The following PTN variants were observed in gnomAD, a reference collection of about 807,000 sequenced individuals.
PTN encodes pleiotrophin, also known as heparin affin regulatory protein.
In PTN, 18 loss-of-function variants were observed where a neutral mutation model predicts 24.1. The ratio of observed to expected loss-of-function variants is 0.75; its 90% CI spans 0.52 to 1.11. The LOEUF (loss-of-function observed/expected upper bound fraction) is 1.11. Ranked by LOEUF, PTN falls within the 50% of genes least tolerant of loss-of-function variation. The pLI is 0.00. For missense variants in PTN, 163 were observed against 198.8 expected (o/e 0.82, Z 1.08); for synonymous variants, 78 against 68.6 (o/e 1.14, Z -0.67).
At chr7:137,322,117 T>C (rs544277828) in intron 1 of PTN, among the ~76,000 whole-genome samples, 1 of 152,274 alleles carries the variant, frequency 6.6e-6, no homozygotes, top group Admixed American at 6.5e-5. Context: ...ATTATCCTCT[T>C]TTATTTTCTT....
chr7:137,323,680 T>A (rs1810203088), intron 1 of PTN, among the ~76,000 whole-genome samples: 1 of 152,168 alleles, frequency 6.6e-6, no homozygotes, highest in Non-Finnish European at 1.5e-5. Flanking sequence ...GTTATAATTG[T>A]GTAGTTATAT....
chr7:137,256,167 C>G (rs1158568283), intron 1 of PTN, among the ~76,000 whole-genome samples: 3 of 152,068 alleles, frequency 2.0e-5, no homozygotes, highest in South Asian at 2.1e-4. Flanking sequence ...TATGCTGTCT[C>G]TTATTAGTGT....
intron 1 of PTN, among the ~76,000 whole-genome samples, chr7:137,338,043 G>A (rs1810476987): frequency 6.6e-6 from 1 of 152,110 alleles, no homozygotes; most frequent in African/African-American, 2.4e-5. Context: ...GGTGAGAAAG[G>A]AGGAGCTGAA....
chr7:137,287,960 A>G (rs913628918), intron 1 of PTN, among the ~76,000 whole-genome samples: 1 of 152,192 alleles, frequency 6.6e-6, no homozygotes, highest in Non-Finnish European at 1.5e-5. Flanking sequence ...AGAAAAATCT[A>G]TTGACTAAGC....
intron 1 of PTN, among the ~76,000 whole-genome samples, chr7:137,291,570 G>A (rs1486240447): frequency 6.6e-6 from 1 of 151,822 alleles, no homozygotes; most frequent in Non-Finnish European, 1.5e-5. Flanking sequence ...GCTGCCTACG[G>A]GTCTCTCATT....
intron 1 of PTN, among the ~76,000 whole-genome samples, chr7:137,332,988 T>C (rs1400979590): frequency 6.6e-6 from 1 of 152,186 alleles, no homozygotes; most frequent in African/African-American, 2.4e-5. Flanking sequence ...CACCAAACCT[T>C]ATGTTGAAAT....
At chr7:137,318,323 T>C (rs1810107011) in intron 1 of PTN, among the ~76,000 whole-genome samples, 1 of 152,144 alleles carries the variant, frequency 6.6e-6, no homozygotes, top group African/African-American at 2.4e-5. Flanking sequence ...AAGAAAAGGC[T>C]GTGAATGAAC....
At chr7:137,262,629 T>C (rs1809062107) in intron 1 of PTN, among the ~76,000 whole-genome samples, 1 of 151,802 alleles carries the variant, frequency 6.6e-6, no homozygotes, top group African/African-American at 2.4e-5. Context: ...CCTCAGGTGC[T>C]CAACTTCTGT....
At chr7:137,328,532 C>T (rs1810299740) in intron 1 of PTN, among the ~76,000 whole-genome samples, 2 of 152,150 alleles carry the variant, frequency 1.3e-5, no homozygotes, top group Admixed American at 1.3e-4. Flanking sequence ...TTCAGCTGCA[C>T]TGGAGCTAGC....
chr7:137,292,604 T>C (rs770903540), intron 1 of PTN, among the ~76,000 whole-genome samples: 6 of 152,178 alleles, frequency 3.9e-5, no homozygotes, highest in Admixed American at 6.5e-5. Context: ...AATTACCCAG[T>C]CTCAGGTAAG....
At chr7:137,250,066 T>G (rs1216995274) in intron 4 of PTN, among the ~76,000 whole-genome samples, 2 of 152,260 alleles carry the variant, frequency 1.3e-5, no homozygotes, top group South Asian at 2.1e-4. Context: ...TCTGAATCTC[T>G]CCTTACAATT....
rs1269280879 is a variant in PTN at position 137,253,579 on chromosome 7, G to C, written c.174C>G (p.Thr58=). Residue 58 remains threonine, a synonymous_variant, in exon 3 of 5, where the codon ACC becomes ACG. Coordinates refer to ENST00000348225, the MANE Select transcript of PTN (RefSeq NM_002825.7). ...GEWQWSVCVP[T]SGDCGLGTRE... is the part of the protein sequence containing the mutation. Reference sequence around the variant, plus strand: ...GTGTGCCCAGCCCACAGTCTCCACTGGTGGGCACACACACACTCCACTGCC... The same window carrying C: ...GTGTGCCCAGCCCACAGTCTCCACTCGTGGGCACACACACACTCCACTGCC... 2 of 1,609,286 alleles carry C rather than the reference G, an allele frequency of 1.2e-6. No homozygotes were observed. The highest frequency in any genetic ancestry group is 1.7e-6 in the Non-Finnish European group (2 of 1,177,396).
chr7:137,251,390 C>T lies in PTN; in HGVS notation c.291G>A (p.Ala97=), dbSNP rs757895873. 1.1e-5 allele frequency: 17 copies of T among 1,613,842 alleles called. No individual in the cohort carries two copies. Among genetic ancestry groups the T allele is most frequent in the South Asian group, 5.5e-5 (5 of 91,074 alleles). Reference sequence around the variant, plus strand: ...AGGCCTGGAACTGGTATTTGCACTCCGCTAAAGGCAGGGTAGAACCAAACA... The same window carrying T: ...AGGCCTGGAACTGGTATTTGCACTCTGCTAAAGGCAGGGTAGAACCAAACA... ...IPCNWKKQFG[A]ECKYQFQAWG... The change falls in exon 4 of 5, where the codon GCG becomes GCA. Residue 97 remains alanine, a splice_region_variant and synonymous_variant. Transcript: ENST00000348225.
At chr7:137,280,460 A>G (rs560183507) in intron 1 of PTN, among the ~76,000 whole-genome samples, 15 of 151,856 alleles carry the variant, frequency 9.9e-5, no homozygotes, top group African/African-American at 3.4e-4. Flanking sequence ...CTGAAGAAGT[A>G]AGCAAGAGGC....
At chr7:137,324,433 A>AATATATATATAT (rs71176396) in intron 1 of PTN, among the ~76,000 whole-genome samples, 6 of 88,746 alleles carry the variant, frequency 6.8e-5, no homozygotes, top group African/African-American at 3.5e-4. Flanking sequence ...AAAAAAAAAA[A>AATATATATATAT]ATATATATAT....
intron 1 of PTN, chr7:137,325,948 G>A (rs941897090): frequency 6.6e-6 from 1 of 152,200 alleles, no homozygotes; most frequent in Admixed American, 6.5e-5. Context: ...GAGAGCTGAT[G>A]CATCCAAGGA....
At chr7:137,262,412 C>A (rs1022828016) in intron 1 of PTN, among the ~76,000 whole-genome samples, 1 of 152,034 alleles carries the variant, frequency 6.6e-6, no homozygotes, top group African/African-American at 2.4e-5. Flanking sequence ...AGTTTTGTCA[C>A]CTCATTGCTG....
intron 1 of PTN, among the ~76,000 whole-genome samples, chr7:137,313,651 A>G (rs2128880165): frequency 6.6e-6 from 1 of 152,320 alleles, no homozygotes; most frequent in Middle Eastern, 3.4e-3. Context: ...CTCCCAGCCA[A>G]CACTTTCATA....
At chr7:137,314,119 G>A (rs1810029475) in intron 1 of PTN, among the ~76,000 whole-genome samples, 1 of 152,138 alleles carries the variant, frequency 6.6e-6, no homozygotes, top group Non-Finnish European at 1.5e-5. Context: ...TAGAAAGGCA[G>A]AAGAAAATAT....
Sources: allele counts gnomAD v4.1 joint callset (sites outside exome capture counted in the v4.1 genomes callset), GRCh38; gene constraint gnomAD v4.1.1; transcripts MANE v1.5; gene names NCBI Gene and HGNC (gene_info 2026-07-23, HGNC 2026-07-21).